Variants in EHD2 observed in about 807,000 individuals in gnomAD.
The protein encoded by EHD2 is EH domain-containing protein 2.
In EHD2, 27 loss-of-function variants were observed where a neutral mutation model predicts 41.0. That is an observed-to-expected ratio of 0.66 (90% confidence interval 0.49 to 0.91). EHD2 has a LOEUF of 0.91. Ranked by LOEUF, EHD2 falls within the 40% of genes least tolerant of loss-of-function variation. EHD2 has a pLI of 0.00. For synonymous variants in EHD2, 342 were observed against 341.0 expected (o/e 1.00, Z -0.03); for missense variants, 673 against 773.9 (o/e 0.87, Z 1.55).
intron 5 of EHD2, among the ~76,000 whole-genome samples, chr19:47,739,597 CAAAA>C (rs869157023): frequency 1.6e-5 from 1 of 60,744 alleles, no homozygotes; most frequent in East Asian, 6.6e-4. Context: ...CGAAACTCGT[CAAAA>C]AAAAAAAAAA....
intron 3 of EHD2, among the ~76,000 whole-genome samples, chr19:47,721,934 G>A (rs766127117): frequency 1.3e-5 from 2 of 151,620 alleles, no homozygotes; most frequent in African/African-American, 4.8e-5. Flanking sequence ...GCAGTGAGCC[G>A]AGCTCATGAC....
chr19:47,731,279 A>AAAAAATATATATATATGTAT, intron 4 of EHD2: 2 of 60,934 alleles, frequency 3.3e-5, no homozygotes, highest in African/African-American at 4.9e-5. Context: ...AAAAAAAAAA[A>AAAAAATATATATATATGTAT]ATATATATAT....
intron 1 of EHD2, among the ~76,000 whole-genome samples, chr19:47,714,359 C>G (rs1390533820): frequency 1.3e-5 from 2 of 152,158 alleles, no homozygotes; most frequent in Non-Finnish European, 2.9e-5. Context: ...ACTCCCATCT[C>G]ACCAAAAGTT....
intron 3 of EHD2, among the ~76,000 whole-genome samples, chr19:47,725,539 G>A (rs1303496256): frequency 6.6e-6 from 1 of 152,264 alleles, no homozygotes; most frequent in East Asian, 1.9e-4. Context: ...CATTGTGCTC[G>A]AGCAAAGGAA....
intron 5 of EHD2, among the ~76,000 whole-genome samples, chr19:47,739,449 A>C (rs1966961657): frequency 6.7e-6 from 1 of 149,990 alleles, no homozygotes; most frequent in African/African-American, 2.4e-5. Flanking sequence ...AAAAATATGA[A>C]AATCAGCTGG....
rs532436929 is a variant in EHD2, at chr19:47,716,583, C to T, written c.-30C>T. ...GCAGCTCTCCATCTGCACGTCTCTC[C>T]GTGAACCCCGTGAGCGGTGTGCAGC... On this transcript the variant is annotated 5_prime_UTR_variant, in exon 2 of 6. Transcript: ENST00000263277. 1.3e-4 allele frequency: 198 copies of T among 1,472,460 alleles called. No homozygotes were observed. The highest frequency in any genetic ancestry group is 5.7e-4 in the African/African-American group (41 of 71,450). The allele number at this position is 1,472,460 out of a possible 1,614,324, so 91.2% of individuals were successfully genotyped here. A position where few individuals can be genotyped will look rare whatever the true frequency, so the allele number is the denominator to read the frequency against.
At chr19:47,731,279 A>AAAAAAAAAAAAAAAAATTATAT in intron 4 of EHD2, 3 of 60,926 alleles carry the variant, frequency 4.9e-5, no homozygotes, top group African/African-American at 1.5e-4. Flanking sequence ...AAAAAAAAAA[A>AAAAAAAAAAAAAAAAATTATAT]ATATATATAT....
intron 1 of EHD2, among the ~76,000 whole-genome samples, chr19:47,714,791 T>C (rs1973608366): frequency 6.6e-6 from 1 of 151,920 alleles, no homozygotes; most frequent in African/African-American, 2.4e-5. Flanking sequence ...TCCCAACAAT[T>C]TGGGAGGCTG....
intron 4 of EHD2, chr19:47,729,733 G>GCCCACT (rs886293497): frequency 3.3e-5 from 5 of 151,106 alleles, no homozygotes; most frequent in Non-Finnish European, 7.4e-5. Flanking sequence ...GGAGGGAGCG[G>GCCCACT]CCCACTGTGG....
rs755568627 is a variant in EHD2, at chr19:47,740,949, C to A, written c.1149C>A (p.Asp383Glu). ...SLKPKLLEAL[D>E]EMLTHDIAKL... ...AGCCGAAGCTGCTAGAGGCACTGGA[C>A]GAGATGCTGACGCACGACATCGCCA... Residue 383 changes from aspartate (D) to glutamate (E), a missense_variant, in exon 6 of 6, where the codon GAC becomes GAA. Transcript: ENST00000263277. 5 of 1,612,868 alleles carry A rather than the reference C, an allele frequency of 3.1e-6. No individual in the cohort carries two copies. Among genetic ancestry groups the A allele is most frequent in the Admixed American group, 1.7e-5 (1 of 59,934 alleles).
Position 47,716,728 on chromosome 19 carries a change from A to T in EHD2, c.116A>T (p.His39Leu). The change falls in exon 2 of 6, where the codon CAC (histidine) becomes CTC (leucine). Residue 39 changes from histidine (H) to leucine (L), a missense_variant. Physicochemically the swap from His to Leu is moderately conservative, Grantham distance 99 (BLOSUM62 -3). Transcript: ENST00000263277. ...YRTKLLPLEE[H>L]YRFGAFHSPA... is the part of the protein sequence containing the mutation. The stretch of plus-strand genomic sequence containing the variant: ...ACGAAGCTGCTGCCGCTGGAGGAGC[A>T]CTACCGCTTTGGGGCCTTCCACTCG... The T allele has an allele frequency of 1.2e-6, 2 of 1,613,358 alleles. No individual in the cohort carries two copies. The highest frequency in any genetic ancestry group is 1.7e-6 in the Non-Finnish European group (2 of 1,179,754).
chr19:47,738,894 G>A (rs1966952535), intron 5 of EHD2, among the ~76,000 whole-genome samples: 1 of 152,154 alleles, frequency 6.6e-6, no homozygotes, highest in African/African-American at 2.4e-5. Context: ...TAGCCCGTGT[G>A]AGAAGCAGTG....
intron 3 of EHD2, among the ~76,000 whole-genome samples, chr19:47,721,715 T>G (rs937657121): frequency 6.6e-6 from 1 of 152,072 alleles, no homozygotes; most frequent in African/African-American, 2.4e-5. Context: ...CTGGGCGCAG[T>G]GGTTCACGCC....
At chr19:47,732,499 G>A (rs535528835) in intron 4 of EHD2, among the ~76,000 whole-genome samples, 2 of 152,218 alleles carry the variant, frequency 1.3e-5, no homozygotes, top group African/African-American at 2.4e-5. Flanking sequence ...GCTCACTTCA[G>A]TCTCAAACCT....
At chr19:47,724,912 G>A (rs897355531) in intron 3 of EHD2, among the ~76,000 whole-genome samples, 8 of 147,134 alleles carry the variant, frequency 5.4e-5, no homozygotes, top group Non-Finnish European at 6.0e-5. Context: ...GGAGGTGGAG[G>A]TGGAGGTTGC....
intron 4 of EHD2, among the ~76,000 whole-genome samples, chr19:47,730,296 C>T (rs111962806): frequency 0.021 from 3,131 of 152,162 alleles, 111 homozygotes; most frequent in African/African-American, 0.071. Flanking sequence ...CCCCTGGCTC[C>T]ATTGGCCCGC....
At position 47,740,133 on chromosome 19, in the gene EHD2, C is replaced by T. The variant is rs527526793; in HGVS notation, c.1081-748C>T. Reference sequence around the variant, plus strand: ...GCAATCCCAGCACTTTAGGAGGTTGCGGTGGGAGGATGGCTTGAGCTCAGG... The same window carrying T: ...GCAATCCCAGCACTTTAGGAGGTTGTGGTGGGAGGATGGCTTGAGCTCAGG... On this transcript the variant is annotated intron_variant, in intron 5 of 5. Transcript: ENST00000263277. Among the ~76,000 whole-genome samples, 153 of 152,172 alleles carry T rather than the reference C, an allele frequency of 1.0e-3. 1 individual carries two copies. Among genetic ancestry groups the T allele is most frequent in the African/African-American group, 3.5e-3 (145 of 41,522 alleles).
At chr19:47,721,205 T>C (rs1973693039) in intron 3 of EHD2, among the ~76,000 whole-genome samples, 1 of 151,496 alleles carries the variant, frequency 6.6e-6, no homozygotes. Context: ...GTATGCGAGC[T>C]CATGTGTGTG....
Position 47,716,668 on chromosome 19 carries a change from G to T in EHD2, c.56G>T (p.Arg19Leu). The T allele has an allele frequency of 6.3e-7, 1 of 1,598,464 alleles. No individual in the cohort carries two copies. ...GARGQQPEAIRTVTSALKELY... is the reference protein window; with the variant it reads ...GARGQQPEAILTVTSALKELY... ...CGGGGCCAGCAGCCCGAGGCCATCC[G>T]CACGGTGACCTCGGCCCTCAAGGAG... is the stretch of plus-strand genomic sequence containing the variant. Residue 19 changes from arginine (R) to leucine (L), a missense_variant, in exon 2 of 6, where the codon CGC becomes CTC. Arg to Leu is a moderately radical substitution (Grantham distance 102). Coordinates refer to ENST00000263277, the MANE Select transcript of EHD2 (RefSeq NM_014601.4).
Sources: gnomAD v4.1 joint callset for allele counts (sites outside exome capture counted in the v4.1 genomes callset) on GRCh38, gnomAD v4.1.1 for gene constraint, MANE v1.5 for transcripts, NCBI Gene and HGNC (gene_info 2026-07-23, HGNC 2026-07-21) for gene names.